The following DMXL1 variants were observed in gnomAD, a reference collection of about 807,000 sequenced individuals.
DMXL1 encodes the protein dmX-like protein 1.
A neutral mutation model predicts 319.2 loss-of-function variants in DMXL1; 99 were observed. The observed-to-expected ratio is 0.31, with a 90% CI of 0.26 to 0.37. The LOEUF (loss-of-function observed/expected upper bound fraction) is 0.37. DMXL1 is among the 10% of genes least tolerant of loss of function. The pLI, the probability that DMXL1 is intolerant of heterozygous loss-of-function variation, is 1.00. For synonymous variants in DMXL1, 1,385 were observed against 1,235.2 expected, an observed-to-expected ratio of 1.12 and a Z score of -2.54; for missense variants, 3,745 against 3,595.6, an observed-to-expected ratio of 1.04 and a Z score of -1.06.
At chr5:119,077,840 T>TGTGTGTGTGTGTATATATAC (rs1751326497) in intron 1 of DMXL1, among the ~76,000 whole-genome samples, 1 of 139,750 alleles carries the variant, frequency 7.2e-6, no homozygotes, top group African/African-American at 2.7e-5. Context: ...AATATATACG[T>TGTGTGTGTGTGTATATATAC]GTGTGTGTGT....
At chr5:119,109,701 C>T (rs1322980761) in intron 4 of DMXL1, among the ~76,000 whole-genome samples, 1 of 152,098 alleles carries the variant, frequency 6.6e-6, no homozygotes, top group Non-Finnish European at 1.5e-5. Context: ...CATTAAGGAC[C>T]AGGTTTCATT....
rs776370232 is a variant in DMXL1 at position 119,233,695 on chromosome 5, C to T, written c.8466+228C>T. Among the ~76,000 whole-genome samples the T allele has an allele frequency of 1.1e-4, 16 of 152,182 alleles. 1 individual carries two copies. The highest frequency in any genetic ancestry group is 2.1e-4 in the South Asian group (1 of 4,822). ...AGTTAAGTGATTCTTAATGACCAAA[C>T]GATTATAAGTTCACCTTATATTACA... On this transcript the variant is annotated intron_variant, in intron 39 of 43. Coordinates refer to ENST00000539542, the MANE Select transcript of DMXL1 (RefSeq NM_001290321.3).
intron 8 of DMXL1, among the ~76,000 whole-genome samples, chr5:119,120,479 AT>A (rs1761805173): frequency 6.6e-6 from 1 of 152,314 alleles, no homozygotes; most frequent in East Asian, 1.9e-4. Context: ...GAATAACAAT[AT>A]TTGCACTGCC....
chr5:119,164,403 A>G (rs948552817), intron 19 of DMXL1, 104 bp from the exon 20 acceptor site: 3 of 1,037,836 alleles, frequency 2.9e-6, no homozygotes, highest in African/African-American at 1.6e-5. Context: ...TGTGAGTCTC[A>G]TAGAAGTTTA....
chr5:119,151,902 C>T (rs773253207), intron 18 of DMXL1, 27 bp from the exon 19 acceptor site: 3 of 1,498,864 alleles, frequency 2.0e-6, no homozygotes, highest in Non-Finnish European at 2.8e-6. Context: ...TTTTTTAATA[C>T]ATTGCTTCCC....
chr5:119,074,669 C>G (rs937334157), intron 1 of DMXL1, among the ~76,000 whole-genome samples: 6 of 152,182 alleles, frequency 3.9e-5, no homozygotes, highest in African/African-American at 1.4e-4. Flanking sequence ...TGACTTTGCT[C>G]TTAGTAAGAA....
intron 32 of DMXL1, among the ~76,000 whole-genome samples, chr5:119,198,572 G>C (rs1408670090): frequency 2.6e-5 from 4 of 152,154 alleles, no homozygotes; most frequent in Non-Finnish European, 4.4e-5. Flanking sequence ...GCAGTCAACA[G>C]ATTCAGCACA....
intron 1 of DMXL1, among the ~76,000 whole-genome samples, chr5:119,090,698 G>A (rs1017108318): frequency 6.6e-6 from 1 of 151,718 alleles, no homozygotes; most frequent in African/African-American, 2.4e-5. Flanking sequence ...AAGTAGCTGG[G>A]ATTACCGGCG....
chr5:119,144,461 T>C, intron 14 of DMXL1, 75 bp from the exon 15 acceptor site: 1 of 1,049,770 alleles, frequency 9.5e-7, no homozygotes, highest in Non-Finnish European at 1.4e-6. Context: ...CATTATGAAG[T>C]ATTATTTTTC....
Position 119,133,240 on chromosome 5 carries a change from T to A in DMXL1, c.1424T>A (p.Ile475Asn). 6.2e-7 allele frequency: 1 copy of A among 1,614,196 alleles called. No homozygotes were observed. Among genetic ancestry groups the A allele is most frequent in the Non-Finnish European group, 8.5e-7 (1 of 1,180,024 alleles). ...TTTACATCATTATCGTCAGCTGCCA[T>A]TGATCATCAGATTGAAGTACTTCTG... ...SSFTSLSSAA[I>N]DHQIEVLLSE... Residue 475 changes from isoleucine (I) to asparagine (N), a missense_variant, in exon 11 of 44, where the codon ATT (isoleucine) becomes AAT (asparagine). Ile to Asn is a moderately radical substitution (Grantham distance 149, BLOSUM62 -3). Coordinates refer to ENST00000539542, the MANE Select transcript of DMXL1 (RefSeq NM_001290321.3).
chr5:119,085,404 C>T (rs1209204031), intron 1 of DMXL1, among the ~76,000 whole-genome samples: 3 of 151,630 alleles, frequency 2.0e-5, no homozygotes, highest in South Asian at 2.1e-4. Flanking sequence ...TTCTGTTCTT[C>T]GTAGCTATTG....
At position 119,091,925 on chromosome 5, in the gene DMXL1, C is replaced by T. The variant is rs116696021; in HGVS notation, c.88-6054C>T. ...GCCTGCCCTCTTTGTTTCTCCCTGTCCTCAGAGATATTTCTTTAGGCACTT... is the reference window on the plus strand; with the variant it reads ...GCCTGCCCTCTTTGTTTCTCCCTGTTCTCAGAGATATTTCTTTAGGCACTT... On this transcript the variant is annotated intron_variant, in intron 1 of 43. Coordinates refer to ENST00000539542, the MANE Select transcript of DMXL1 (RefSeq NM_001290321.3). Among the ~76,000 whole-genome samples the T allele has an allele frequency of 5.3e-3, 809 of 152,278 alleles. 3 individuals are homozygous for T. Among genetic ancestry groups the T allele is most frequent in the African/African-American group, 0.019 (781 of 41,562 alleles).
intron 39 of DMXL1, among the ~76,000 whole-genome samples, chr5:119,235,207 G>T (rs972689184): frequency 6.6e-6 from 1 of 152,058 alleles, no homozygotes; most frequent in African/African-American, 2.4e-5. Flanking sequence ...GAATATTTCA[G>T]AAAAACTAAG....
intron 19 of DMXL1, among the ~76,000 whole-genome samples, chr5:119,155,082 T>C (rs896396731): frequency 2.6e-5 from 4 of 152,230 alleles, no homozygotes; most frequent in African/African-American, 9.6e-5. Context: ...TTTCGAAATA[T>C]TGCTGTTATT....
At chr5:119,188,178 A>T (rs1002158515) in intron 28 of DMXL1, among the ~76,000 whole-genome samples, 3 of 152,226 alleles carry the variant, frequency 2.0e-5, no homozygotes, top group Non-Finnish European at 4.4e-5. Flanking sequence ...TTTTTATGAC[A>T]TACTAATCTT....
At chr5:119,127,525 G>T (rs1440897347) in intron 9 of DMXL1, among the ~76,000 whole-genome samples, 1 of 152,122 alleles carries the variant, frequency 6.6e-6, no homozygotes, top group East Asian at 1.9e-4. Context: ...TGCAACTTCT[G>T]CCTCCTGGCT....
At chr5:119,173,798 A>ATATATATATATATATATATATATATAT (rs1307519155) in intron 25 of DMXL1, among the ~76,000 whole-genome samples, 13 of 126,678 alleles carry the variant, frequency 1.0e-4, no homozygotes, top group Non-Finnish European at 1.3e-4. Flanking sequence ...ATATATATAT[A>ATATATATATATATATATATATATATAT]ATGAGAGAGA....
chr5:119,152,798 TTAAAAAGTGTTATTGGGA>T, intron 19 of DMXL1, among the ~76,000 whole-genome samples: 1 of 152,306 alleles, frequency 6.6e-6, no homozygotes, highest in Admixed American at 6.5e-5. Flanking sequence ...AACTATAGGT[TTAAAAAGTGTTATTGGGA>T]CTTTGCAGTT....
intron 32 of DMXL1, among the ~76,000 whole-genome samples, chr5:119,200,966 G>C (rs1561861288): frequency 6.6e-6 from 1 of 152,040 alleles, no homozygotes; most frequent in East Asian, 1.9e-4. Flanking sequence ...AGGAGCTTTT[G>C]GGCTGAGACA....
Sources: allele counts gnomAD v4.1 joint callset (sites outside exome capture counted in the v4.1 genomes callset), GRCh38; gene constraint gnomAD v4.1.1; transcripts MANE v1.5; gene names NCBI Gene and HGNC (gene_info 2026-07-23, HGNC 2026-07-21).